ALDH1L1: variants seen among roughly 807,000 people sequenced by gnomAD.
ALDH1L1 encodes the protein cytosolic 10-formyltetrahydrofolate dehydrogenase.
Under a neutral mutation model 101.1 loss-of-function variants are expected in ALDH1L1, and 68 were observed. The ratio of observed to expected loss-of-function variants is 0.67; its 90% CI spans 0.55 to 0.82. The LOEUF (loss-of-function observed/expected upper bound fraction) is 0.82, where lower values mean the gene tolerates loss of function less well. ALDH1L1 is among the 40% of genes least tolerant of loss of function. ALDH1L1 has a pLI of 0.00. For missense variants in ALDH1L1, 1,087 were observed against 1,172.7 expected (o/e 0.93, Z 1.07); for synonymous variants, 486 against 470.8 (o/e 1.03, Z -0.42).
chr3:126,111,332 C>T (rs912198341), intron 19 of ALDH1L1, among the ~76,000 whole-genome samples: 1 of 152,282 alleles, frequency 6.6e-6, no homozygotes, highest in Non-Finnish European at 1.5e-5. Flanking sequence ...AGTCTTTCCA[C>T]TGTCCACGTG....
chr3:126,158,578 T>A lies in ALDH1L1; in HGVS notation c.189A>T (p.Gly63=), dbSNP rs777483521. 2 of 1,614,146 alleles carry A rather than the reference T, an allele frequency of 1.2e-6. No homozygotes were observed. The highest frequency in any genetic ancestry group is 2.2e-5 in the South Asian group (2 of 91,078). ...VFKYSRWRAK[G]QALPDVVAKY... ...TTGCCACCACATCAGGCAAAGCCTG[T>A]CCTTTTGCACGCCACCGGGAGTACT... The change falls in exon 3 of 23, where the codon GGA becomes GGT. Residue 63 remains glycine (G), a synonymous_variant. Transcript: ENST00000393434.
At chr3:126,180,634 G>C (rs2081458527), upstream of ALDH1L1, 2 of 1,300,886 alleles carry the variant, frequency 1.5e-6, no homozygotes, top group Admixed American at 3.2e-5. Flanking sequence ...CGTGAGGGGA[G>C]GGGCGCGGGG....
chr3:126,125,558 T>G, intron 15 of ALDH1L1, 58 bp downstream of exon 15: 9 of 1,330,902 alleles, frequency 6.8e-6, no homozygotes, highest in African/African-American at 1.5e-5. Flanking sequence ...CCTTATAGAG[T>G]GAGTTCCTGA....
Position 126,186,573 on chromosome 3 carries a change from C to T in ALDH1L1, c.-24+11162G>A, listed in dbSNP as rs75946761. Among the ~76,000 whole-genome samples, 1,334 of 152,300 alleles carry T rather than the reference C, an allele frequency of 8.8e-3. 21 individuals carry two copies. The highest frequency in any genetic ancestry group is 0.03 in the African/African-American group (1,255 of 41,556). On this transcript the variant is annotated intron_variant, in intron 1 of 2. Transcript: ENST00000509952. ...CTTCATGGAACCCAGAGGAGTGCAGCGTGTAGGGACTGCTTGGGAGATGCG... is the reference window on the plus strand; with the variant it reads ...CTTCATGGAACCCAGAGGAGTGCAGTGTGTAGGGACTGCTTGGGAGATGCG...
At chr3:126,172,151 C>G (rs1387004372) in intron 1 of ALDH1L1, among the ~76,000 whole-genome samples, 2 of 152,126 alleles carry the variant, frequency 1.3e-5, no homozygotes, top group Non-Finnish European at 2.9e-5. Flanking sequence ...TACCTTTTAC[C>G]CAATACATTA....
At chr3:126,137,661 C>A in intron 10 of ALDH1L1, 152 bp downstream of exon 10, 2 of 1,129,278 alleles carry the variant, frequency 1.8e-6, no homozygotes, top group Non-Finnish European at 1.2e-6. Flanking sequence ...CCAGGCTATC[C>A]CGGGTGCAGG....
chr3:126,128,842 A>G (rs1576434113), intron 14 of ALDH1L1: 1 of 138,052 alleles, frequency 7.2e-6, no homozygotes, highest in Non-Finnish European at 1.6e-5. Flanking sequence ...ACACCCCCCA[A>G]CCCCATGCTG....
chr3:126,141,491 C>T (rs1381522744), intron 9 of ALDH1L1, among the ~76,000 whole-genome samples: 1 of 152,042 alleles, frequency 6.6e-6, no homozygotes, highest in African/African-American at 2.4e-5. Flanking sequence ...AAATATTGAA[C>T]TCTTACAAAA....
intron 7 of ALDH1L1, chr3:126,152,686 G>A (rs1325106692): frequency 6.4e-6 from 1 of 155,932 alleles, no homozygotes; most frequent in Non-Finnish European, 1.4e-5. Flanking sequence ...CTGCTCATGT[G>A]AGAAGGAGTA....
At chr3:126,128,225 A>G (rs2080227626) in intron 14 of ALDH1L1, among the ~76,000 whole-genome samples, 2 of 152,172 alleles carry the variant, frequency 1.3e-5, no homozygotes, top group African/African-American at 4.8e-5. Flanking sequence ...CAAACATCCA[A>G]AAGAGCTGGA....
At chr3:126,127,536 G>T (rs1009368520) in intron 14 of ALDH1L1, among the ~76,000 whole-genome samples, 1 of 152,168 alleles carries the variant, frequency 6.6e-6, no homozygotes, top group South Asian at 2.1e-4. Flanking sequence ...AGCCTGGGCA[G>T]GGGACACCAA....
intron 1 of ALDH1L1, among the ~76,000 whole-genome samples, chr3:126,188,624 C>T (rs913663946): frequency 2.0e-5 from 3 of 152,194 alleles, no homozygotes; most frequent in Non-Finnish European, 4.4e-5. Flanking sequence ...GCTCCTCCCA[C>T]TTACCGTCAT....
chr3:126,175,130 A>C (rs962199564), intron 1 of ALDH1L1, among the ~76,000 whole-genome samples: 2 of 152,158 alleles, frequency 1.3e-5, no homozygotes, highest in Non-Finnish European at 2.9e-5. Flanking sequence ...TATATCAACA[A>C]ATTTGGTAAG....
At chr3:126,136,928 C>T in intron 10 of ALDH1L1, 45 bp from the exon 11 acceptor site, 1 of 1,610,424 alleles carries the variant, frequency 6.2e-7, no homozygotes, top group African/African-American at 1.3e-5. Context: ...ATGCAGGGTG[C>T]AGGAAGCATA....
intron 20 of ALDH1L1, among the ~76,000 whole-genome samples, chr3:126,108,704 G>A (rs571020668): frequency 4.6e-5 from 7 of 152,362 alleles, no homozygotes; most frequent in African/African-American, 1.2e-4. Context: ...GAGCTCTCCA[G>A]GTGGGGACAC....
At chr3:126,134,886 C>T (rs1179787488) in intron 12 of ALDH1L1, among the ~76,000 whole-genome samples, 4 of 152,150 alleles carry the variant, frequency 2.6e-5, no homozygotes, top group Admixed American at 2.6e-4. Flanking sequence ...CACTCCACCT[C>T]TGTGAGGGTG....
In ALDH1L1 at chr3:126,180,484, G is replaced by A. The variant is rs2081455527; in HGVS notation, c.-32C>T. ...AGAGCCCAGAAACTCACCGCGCGCA[G>A]GAGTTGGTGCGGGCGTCCCGGGCAG... On this transcript the variant is annotated 5_prime_UTR_variant, in exon 1 of 23. Coordinates refer to ENST00000393434, the MANE Select transcript of ALDH1L1 (RefSeq NM_012190.4). 2.0e-6 allele frequency: 2 copies of A among 996,022 alleles called. No homozygotes were observed. The highest frequency in any genetic ancestry group is 3.5e-5 in the African/African-American group (2 of 57,542). 61.7% of individuals were successfully genotyped at this position (996,022 alleles called of 1,614,324 possible). A position where few individuals can be genotyped will look rare whatever the true frequency, so the allele number is the denominator to read the frequency against.
intron 8 of ALDH1L1, among the ~76,000 whole-genome samples, chr3:126,147,230 T>C (rs2080712332): frequency 6.6e-6 from 1 of 152,164 alleles, no homozygotes; most frequent in South Asian, 2.1e-4. Context: ...AGGACAGATG[T>C]GCCAGGCCTC....
intron 16 of ALDH1L1, among the ~76,000 whole-genome samples, chr3:126,121,875 T>C (rs1362698142): frequency 3.3e-5 from 5 of 152,186 alleles, no homozygotes; most frequent in African/African-American, 4.8e-5. Context: ...AGCCCTCTCA[T>C]TTCTGCCAAC....
Sources: allele counts gnomAD v4.1 joint callset (sites outside exome capture counted in the v4.1 genomes callset), GRCh38; gene constraint gnomAD v4.1.1; transcripts MANE v1.5; gene names NCBI Gene and HGNC (gene_info 2026-07-23, HGNC 2026-07-21).